FOLH1: variants seen among roughly 807,000 people sequenced by gnomAD.
The protein encoded by FOLH1 is folate hydrolase 1.
FOLH1 carries 54 observed loss-of-function variants against 93.9 expected under a neutral mutation model. That is an observed-to-expected ratio of 0.57 (90% CI 0.46 to 0.72). FOLH1 has a LOEUF of 0.72. FOLH1 is among the 30% of genes least tolerant of loss of function. The pLI, the probability that FOLH1 is intolerant of heterozygous loss-of-function variation, is 0.00. For synonymous variants in FOLH1, 249 were observed against 303.6 expected (o/e 0.82, Z 1.87); for missense variants, 571 against 892.5 (o/e 0.64, Z 4.59).
rs1370084699 is a variant in FOLH1, at chr11:49,185,820, G to C, written c.675C>G (p.Val225=). 6.3e-7 allele frequency: 1 copy of C among 1,591,044 alleles called. No homozygotes were observed. The highest frequency in any genetic ancestry group is 1.4e-5 in the African/African-American group (1 of 73,628). ...KNAQLAGAKG[V]ILYSDPADYF... is the part of the protein sequence containing the mutation. Reference sequence around the variant, plus strand: ...AGTCAGCAGGGTCGGAGTAGAGAATGACTCCTTTGGCCCCTGCCAGCTGGG... The same window carrying C: ...AGTCAGCAGGGTCGGAGTAGAGAATCACTCCTTTGGCCCCTGCCAGCTGGG... Residue 225 remains valine (V), a synonymous_variant, in exon 6 of 19, where the codon GTC becomes GTG. Coordinates refer to ENST00000256999, the MANE Select transcript of FOLH1 (RefSeq NM_004476.3).
chr11:49,171,079 G>A, intron 11 of FOLH1, 116 bp downstream of exon 11: 5 of 1,212,806 alleles, frequency 4.1e-6, no homozygotes, highest in Non-Finnish European at 5.5e-6. Flanking sequence ...AGATTTTGGG[G>A]AAAAAACTTT....
chr11:49,155,395 T>C (rs1219525283), intron 15 of FOLH1, among the ~76,000 whole-genome samples: 4 of 152,084 alleles, frequency 2.6e-5, no homozygotes, highest in Admixed American at 2.0e-4. Context: ...CTGGGAAGAA[T>C]AGCCCATGAG....
intron 4 of FOLH1, among the ~76,000 whole-genome samples, chr11:49,190,033 A>G (rs969176460): frequency 3.3e-5 from 5 of 152,210 alleles, no homozygotes; most frequent in Middle Eastern, 3.2e-3. Flanking sequence ...CTGATTTATC[A>G]TTGTTAACCC....
intron 2 of FOLH1, among the ~76,000 whole-genome samples, chr11:49,201,391 A>G (rs1590695549): frequency 6.6e-6 from 1 of 151,106 alleles, no homozygotes; most frequent in Non-Finnish European, 1.5e-5. Context: ...CAACATGACT[A>G]TGATAATTCC....
intron 1 of FOLH1, 100 bp downstream of exon 1, chr11:49,208,192 G>T: frequency 1.1e-6 from 1 of 875,454 alleles, no homozygotes; most frequent in South Asian, 1.8e-5. Context: ...CCCTGGGGAA[G>T]ACCAGCAACA....
At chr11:49,155,795 C>CATAT (rs10526900) in intron 15 of FOLH1, among the ~76,000 whole-genome samples, 3,266 of 50,928 alleles carry the variant, frequency 0.064, 256 homozygotes, top group Middle Eastern at 0.097. Context: ...AAATGAAAAC[C>CATAT]ATATATATAT....
Position 49,174,777 on chromosome 11 carries a change from CTTCG to C in FOLH1, c.1105+111_1105+114del, listed in dbSNP as rs1042462986. On this transcript the variant is annotated intron_variant, in intron 9 of 18. Coordinates refer to ENST00000256999, the MANE Select transcript of FOLH1 (RefSeq NM_004476.3). The stretch of plus-strand genomic sequence containing the variant: ...TTTTTAGGTGAGTTCCACCGATTTT[CTTCG>C]TTTGTTTGTTTGTTTGTTTGTTTTG... The C allele has an allele frequency of 2.6e-4, 243 of 928,432 alleles. 2 individuals carry two copies. Among genetic ancestry groups the C allele is most frequent in the Admixed American group, 7.8e-4 (28 of 36,078 alleles). The allele number at this position is 928,432 out of a possible 1,614,324, so 57.5% of individuals were successfully genotyped here.
At chr11:49,187,168 T>C (rs1861497202) in intron 4 of FOLH1, among the ~76,000 whole-genome samples, 2 of 151,984 alleles carry the variant, frequency 1.3e-5, no homozygotes, top group Admixed American at 6.6e-5. Flanking sequence ...TCACAGGGAG[T>C]AGCTTAATGG....
At chr11:49,185,632 T>C (rs770624373) in intron 6 of FOLH1, 37 bp downstream of exon 6, 13 of 1,611,832 alleles carry the variant, frequency 8.1e-6, no homozygotes, top group Non-Finnish European at 1.0e-5. Context: ...CTTTCAAATG[T>C]TAAGTTTCCT....
chr11:49,207,279 G>A (rs1161941071), intron 1 of FOLH1, among the ~76,000 whole-genome samples: 1 of 152,240 alleles, frequency 6.6e-6, no homozygotes, highest in Non-Finnish European at 1.5e-5. Context: ...GTCAGCCACT[G>A]AGCACGGAAT....
At chr11:49,175,668 T>G (rs1407287838) in intron 8 of FOLH1, among the ~76,000 whole-genome samples, 191 bp downstream of exon 8, 1 of 152,210 alleles carries the variant, frequency 6.6e-6, no homozygotes, top group Non-Finnish European at 1.5e-5. Flanking sequence ...CCAGCAACAC[T>G]CATAATTTTT....
chr11:49,194,054 A>G (rs1326987405), intron 3 of FOLH1, among the ~76,000 whole-genome samples: 1 of 148,082 alleles, frequency 6.8e-6, no homozygotes, highest in Non-Finnish European at 1.5e-5. Context: ...CAGGAGGCTG[A>G]GACAGGAGAA....
intron 13 of FOLH1, among the ~76,000 whole-genome samples, chr11:49,159,135 C>T (rs1857354171): frequency 6.6e-6 from 1 of 152,030 alleles, no homozygotes; most frequent in Non-Finnish European, 1.5e-5. Flanking sequence ...TTTATCTTGC[C>T]TGATTACCCT....
rs1256245448 is a variant in FOLH1 at position 49,200,308 on chromosome 11, G to A, written c.358C>T (p.Pro120Ser). ...ATGTAGTTGGGATGAGTCTTATTTG[G>A]GTAGGACAACAGGACATCATAATGT... is the stretch of plus-strand genomic sequence containing the variant. ...LAHYDVLLSYPNKTHPNYISI... is the reference protein window; with the variant it reads ...LAHYDVLLSYSNKTHPNYISI... The change falls in exon 3 of 19, where the codon CCA (proline) becomes TCA (serine). Residue 120 changes from proline to serine, a missense_variant. By Grantham distance (74) the Pro-to-Ser change is moderately conservative (BLOSUM62 -1). This residue lies in a region of FOLH1 where 500 missense variants were observed against 822.9 expected (regional missense o/e 0.61). Coordinates refer to ENST00000256999, the MANE Select transcript of FOLH1 (RefSeq NM_004476.3). 2.5e-6 allele frequency: 4 copies of A among 1,610,454 alleles called. No homozygotes were observed. The Admixed American group carries it at 6.7e-5, about 27-fold the overall frequency.
rs1859229859 is a variant in FOLH1 at position 49,171,288 on chromosome 11, T to C, written c.1226-11A>G. On this transcript the variant is annotated splice_polypyrimidine_tract_variant and intron_variant, in intron 10 of 18. Transcript: ENST00000256999. Reference sequence around the variant, plus strand: ...TTCTAGGTCTCCACCCTAAAATGTATGTGTATATATAAATGATAGAAAAAA... The same window carrying C: ...TTCTAGGTCTCCACCCTAAAATGTACGTGTATATATAAATGATAGAAAAAA... 2 of 1,549,890 alleles carry C rather than the reference T, an allele frequency of 1.3e-6. No individual in the cohort carries two copies. The highest frequency in any genetic ancestry group is 1.7e-6 in the Non-Finnish European group (2 of 1,151,096).
chr11:49,195,136 G>A (rs557135661), intron 3 of FOLH1, among the ~76,000 whole-genome samples: 12 of 152,110 alleles, frequency 7.9e-5, no homozygotes, highest in South Asian at 2.1e-4. Context: ...AACACAGAAC[G>A]TCTATAAAAA....
intron 3 of FOLH1, among the ~76,000 whole-genome samples, chr11:49,194,238 A>G (rs56039736): frequency 0.033 from 5,070 of 152,076 alleles, 87 homozygotes; most frequent in Non-Finnish European, 0.051. Flanking sequence ...TAAAGCAGGA[A>G]AAAAGGGTTC....
intron 10 of FOLH1, among the ~76,000 whole-genome samples, chr11:49,172,244 A>T (rs1859420100): frequency 6.6e-6 from 1 of 152,222 alleles, no homozygotes. Context: ...TTCCTAGAAA[A>T]ATCATGAAAC....
chr11:49,158,398 C>G lies in FOLH1; in HGVS notation c.1441-355G>C, dbSNP rs545836362. 2.0e-5 allele frequency among the ~76,000 whole-genome samples: 3 copies of G among 152,140 alleles called. No homozygotes were observed. In the East Asian group the frequency reaches 5.8e-4, roughly 29 times the overall value. ...GTCAAAACTATTTCTCATCTCACAACAAAGAAAATAAAAAGAAGTAAGCTG... is the reference window on the plus strand; with the variant it reads ...GTCAAAACTATTTCTCATCTCACAAGAAAGAAAATAAAAAGAAGTAAGCTG... On this transcript the variant is annotated intron_variant, in intron 13 of 18. Transcript: ENST00000256999.
Sources: gnomAD v4.1 joint callset for allele counts (sites outside exome capture counted in the v4.1 genomes callset) on GRCh38, gnomAD v4.1.1 for gene constraint, gnomAD v4.1.1 regional missense constraint, MANE v1.5 for transcripts, NCBI Gene and HGNC (gene_info 2026-07-23, HGNC 2026-07-21) for gene names.